Variants in KCNK12 observed in about 807,000 individuals in gnomAD.
KCNK12 encodes potassium channel subfamily K member 12.
KCNK12 carries 6 observed loss-of-function variants against 25.3 expected under a neutral mutation model. That is an observed-to-expected ratio of 0.24 (90% CI 0.13 to 0.47). KCNK12 has a LOEUF of 0.47. KCNK12 is among the 20% of genes least tolerant of loss of function. KCNK12 has a pLI of 0.99. For missense variants in KCNK12, 444 were observed against 661.7 expected, an observed-to-expected ratio of 0.67 and a Z score of 3.61; for synonymous variants, 331 against 311.1, an observed-to-expected ratio of 1.06 and a Z score of -0.67.
chr2:47,530,586 G>A (rs1478286690), intron 1 of KCNK12, among the ~76,000 whole-genome samples: 1 of 152,148 alleles, frequency 6.6e-6, no homozygotes, highest in South Asian at 2.1e-4. Context: ...AGTGCTGCAC[G>A]CGTATCAATT....
intron 1 of KCNK12, among the ~76,000 whole-genome samples, chr2:47,531,077 G>T (rs79370100): frequency 6.6e-6 from 1 of 152,158 alleles, no homozygotes. Flanking sequence ...CCCAATCCCC[G>T]GGTGCATCCA....
rs1298984208 is a variant in KCNK12, at chr2:47,533,759, C to T, written c.392-11951G>A. Among the ~76,000 whole-genome samples, 4 of 152,132 alleles carry T rather than the reference C, an allele frequency of 2.6e-5. No homozygotes were observed. Among genetic ancestry groups the T allele is most frequent in the Non-Finnish European group, 5.9e-5 (4 of 68,016 alleles). Reference sequence around the variant, plus strand: ...GGGGCTGTTGTGGAAAAGCTGAGACCGTGGGCTGCTCTATTTGTTGGCGCT... The same window carrying T: ...GGGGCTGTTGTGGAAAAGCTGAGACTGTGGGCTGCTCTATTTGTTGGCGCT... On this transcript the variant is annotated intron_variant, in intron 1 of 1. Coordinates refer to ENST00000327876, the MANE Select transcript of KCNK12 (RefSeq NM_022055.2). This position sits in a 1 kb window ranked among gnomAD's most constrained non-coding sequence, Gnocchi z 4.7.
At chr2:47,550,431 G>A (rs1669404055) in intron 1 of KCNK12, among the ~76,000 whole-genome samples, 1 of 138,772 alleles carries the variant, frequency 7.2e-6, no homozygotes, top group South Asian at 2.3e-4. Flanking sequence ...CACCCAGGCT[G>A]GAGTGCAGTG....
In KCNK12 at chr2:47,540,409, C is replaced by T. The variant is rs911539082; in HGVS notation, c.392-18601G>A. On this transcript the variant is annotated intron_variant, in intron 1 of 1. Coordinates refer to ENST00000327876, the MANE Select transcript of KCNK12 (RefSeq NM_022055.2). This position sits in a 1 kb window ranked among gnomAD's most constrained non-coding sequence, Gnocchi z 5.4. ...AGGGTTTGAATGAGACCCCGGTAACCGCAGCAGTAAAGACCCCTCAAATGC... is the reference window on the plus strand; with the variant it reads ...AGGGTTTGAATGAGACCCCGGTAACTGCAGCAGTAAAGACCCCTCAAATGC... Among the ~76,000 whole-genome samples the T allele has an allele frequency of 2.0e-4, 30 of 152,272 alleles. No individual in the cohort carries two copies. Among genetic ancestry groups the T allele is most frequent in the Non-Finnish European group, 3.4e-4 (23 of 68,044 alleles).
In KCNK12 at chr2:47,562,774, CCT is replaced by C. The variant is rs1474888978; in HGVS notation, c.391+7165_391+7166del. ...CCTGCAGTTTCAAGCCCCTCCACCC[CCT>C]GTTCCTCACCAACTCTCCCCGTGTA... On this transcript the variant is annotated intron_variant, in intron 1 of 1. Transcript: ENST00000327876. This position sits in a 1 kb window ranked among gnomAD's most constrained non-coding sequence, Gnocchi z 4.8. The C allele has an allele frequency of 6.4e-5, 15 of 233,302 alleles. No homozygotes were observed. The highest frequency in any genetic ancestry group is 1.2e-4 in the East Asian group (2 of 16,584). The allele number at this position is 233,302 out of a possible 1,614,324, so 14.5% of individuals were successfully genotyped here.
chr2:47,526,785 ACT>A (rs1357280900), intron 1 of KCNK12, among the ~76,000 whole-genome samples: 1 of 152,188 alleles, frequency 6.6e-6, no homozygotes, highest in East Asian at 1.9e-4. Flanking sequence ...TATTTGGATA[ACT>A]CTAGCATTTA....
At chr2:47,534,991 G>A (rs987834176) in intron 1 of KCNK12, 7 of 226,108 alleles carry the variant, frequency 3.1e-5, no homozygotes, top group East Asian at 6.3e-5. Context: ...GCACAGCCTC[G>A]TCCTTTCCAT....
intron 1 of KCNK12, among the ~76,000 whole-genome samples, chr2:47,541,991 A>G (rs1340426738): frequency 6.6e-6 from 1 of 152,204 alleles, no homozygotes; most frequent in Non-Finnish European, 1.5e-5. Flanking sequence ...CAGCAGCAGC[A>G]GCAGCAGCGG....
chr2:47,550,035 A>C (rs1669393721), intron 1 of KCNK12, among the ~76,000 whole-genome samples: 1 of 152,226 alleles, frequency 6.6e-6, no homozygotes, highest in African/African-American at 2.4e-5. Flanking sequence ...ACTTGAAGAC[A>C]TAGCAATAGA....
In KCNK12 at chr2:47,510,576, C is replaced by T. The variant is rs10181625; in HGVS notation, c.*10331G>A. ...TGCCCTGGGGGCTATCTCAACACCC[C>T]TACACTCTCACCGCACGTATTTGGT... is the stretch of plus-strand genomic sequence containing the variant. On this transcript the variant is annotated 3_prime_UTR_variant, in exon 2 of 2. Coordinates refer to ENST00000327876, the MANE Select transcript of KCNK12 (RefSeq NM_022055.2). Among the ~76,000 whole-genome samples, 11,764 of 152,148 alleles carry T rather than the reference C, an allele frequency of 0.077. 617 individuals are homozygous for T. Among genetic ancestry groups the T allele is most frequent in the East Asian group, 0.15 (775 of 5,158 alleles).
chr2:47,551,538 A>G lies in KCNK12; in HGVS notation c.391+18403T>C, dbSNP rs1654829878. Among the ~76,000 whole-genome samples the G allele has an allele frequency of 6.6e-6, 1 of 152,156 alleles. No individual in the cohort carries two copies. The highest frequency in any genetic ancestry group is 6.5e-5 in the Admixed American group (1 of 15,278). On this transcript the variant is annotated intron_variant, in intron 1 of 1. Transcript: ENST00000327876. The surrounding 1 kb of genome is among the most constrained non-coding windows in gnomAD (Gnocchi z 5.3). The stretch of plus-strand genomic sequence containing the variant: ...TGGGGATTTTCAGTTGCTGGCACAT[A>G]GTGGAGCGCTCAAGAAATATTTGTT...
At chr2:47,559,515 T>A (rs1669620552) in intron 1 of KCNK12, among the ~76,000 whole-genome samples, 1 of 152,228 alleles carries the variant, frequency 6.6e-6, no homozygotes, top group Non-Finnish European at 1.5e-5. Context: ...GCTCCATGAT[T>A]GACAGAAATT....
At position 47,566,875 on chromosome 2, in the gene KCNK12, C is replaced by T. The variant is rs568121612; in HGVS notation, c.391+3066G>A. On this transcript the variant is annotated intron_variant, in intron 1 of 1. Transcript: ENST00000327876. The surrounding 1 kb of genome is among the most constrained non-coding windows in gnomAD (Gnocchi z 4.1). ...GTGTGACCACTGACAAGTCCCCTAACCCTGTGCCACATGAGATTGGACCAA... is the reference window on the plus strand; with the variant it reads ...GTGTGACCACTGACAAGTCCCCTAATCCTGTGCCACATGAGATTGGACCAA... 6.6e-6 allele frequency: 1 copy of T among 152,340 alleles called. No homozygotes were observed. The highest frequency in any genetic ancestry group is 2.1e-4 in the South Asian group (1 of 4,832). The allele number at this position is 152,340 out of a possible 1,614,324, so 9.4% of individuals were successfully genotyped here. A position where few individuals can be genotyped will look rare whatever the true frequency, so the allele number is the denominator to read the frequency against.
chr2:47,550,475 C>T (rs1237242), intron 1 of KCNK12, among the ~76,000 whole-genome samples: 4 of 148,522 alleles, frequency 2.7e-5, no homozygotes, highest in Non-Finnish European at 3.0e-5. Flanking sequence ...CTCTGCCTCC[C>T]GGGTTCAAGT....
At chr2:47,550,922 G>T (rs961636474) in intron 1 of KCNK12, among the ~76,000 whole-genome samples, 1 of 151,918 alleles carries the variant, frequency 6.6e-6, no homozygotes, top group African/African-American at 2.4e-5. Flanking sequence ...TATTTCCCCC[G>T]TACAGTTTTT....
chr2:47,561,655 C>G (rs939969927), intron 1 of KCNK12, among the ~76,000 whole-genome samples: 1 of 152,176 alleles, frequency 6.6e-6, no homozygotes, highest in East Asian at 1.9e-4. Context: ...TCATGGTTAC[C>G]AGGCACTGCA....
intron 1 of KCNK12, among the ~76,000 whole-genome samples, chr2:47,530,115 C>T (rs1325995099): frequency 6.6e-6 from 1 of 152,150 alleles, no homozygotes; most frequent in Non-Finnish European, 1.5e-5. Context: ...CCAAGGCTCA[C>T]ACAAGGCTGA....
rs901364251 is a variant in KCNK12 at position 47,557,659 on chromosome 2, C to A, written c.391+12282G>T. On this transcript the variant is annotated intron_variant, in intron 1 of 1. Coordinates refer to ENST00000327876, the MANE Select transcript of KCNK12 (RefSeq NM_022055.2). The surrounding 1 kb of genome is among the most constrained non-coding windows in gnomAD (Gnocchi z 4.9). ...CGGCTGAACAATGCACATCAAGGAG[C>A]TTTGTAAGGCAATTTCCGTATGTTA... 3.9e-5 allele frequency among the ~76,000 whole-genome samples: 6 copies of A among 152,146 alleles called. No homozygotes were observed. Among genetic ancestry groups the A allele is most frequent in the African/African-American group, 1.4e-4 (6 of 41,430 alleles).
chr2:47,548,430 C>G lies in KCNK12; in HGVS notation c.391+21511G>C, dbSNP rs955351664. On this transcript the variant is annotated intron_variant, in intron 1 of 1. Coordinates refer to ENST00000327876, the MANE Select transcript of KCNK12 (RefSeq NM_022055.2). This position sits in a 1 kb window ranked among gnomAD's most constrained non-coding sequence, Gnocchi z 4.4. Reference sequence around the variant, plus strand: ...TGATTCTCCCTCCCAACCAGCCCCTCCTTGATTCCACTTCAGCCTTCCCTA... The same window carrying G: ...TGATTCTCCCTCCCAACCAGCCCCTGCTTGATTCCACTTCAGCCTTCCCTA... Among the ~76,000 whole-genome samples, 1 of 152,234 alleles carries G rather than the reference C, an allele frequency of 6.6e-6. No homozygotes were observed. The highest frequency in any genetic ancestry group is 1.5e-5 in the Non-Finnish European group (1 of 68,040).
Sources: allele counts gnomAD v4.1 joint callset (sites outside exome capture counted in the v4.1 genomes callset), GRCh38; gene constraint gnomAD v4.1.1; non-coding constraint Gnocchi (gnomAD v3.1); transcripts MANE v1.5; gene names NCBI Gene and HGNC (gene_info 2026-07-23, HGNC 2026-07-21).